The following GPC6 variants were observed in gnomAD, a reference collection of about 807,000 sequenced individuals.
The protein encoded by GPC6 is glypican-6.
A neutral mutation model predicts 55.2 loss-of-function variants in GPC6; 14 were observed. The ratio of observed to expected loss-of-function variants is 0.25; its 90% CI spans 0.17 to 0.40. The LOEUF (loss-of-function observed/expected upper bound fraction) is 0.40, where lower values mean the gene tolerates loss of function less well. GPC6 is among the 10% of genes least tolerant of loss of function. The pLI is 1.00. For missense variants in GPC6, 641 were observed against 708.5 expected (o/e 0.90, Z 1.08); for synonymous variants, 278 against 259.6 (o/e 1.07, Z -0.68).
intron 2 of GPC6, among the ~76,000 whole-genome samples, chr13:93,690,339 A>G (rs549867480): frequency 7.8e-4 from 118 of 152,144 alleles, no homozygotes; most frequent in Middle Eastern, 3.4e-3. Flanking sequence ...CAAAGGGTGG[A>G]AAAGGATCAT....
chr13:93,762,603 T>C (rs1273381010), intron 2 of GPC6, among the ~76,000 whole-genome samples: 1 of 152,222 alleles, frequency 6.6e-6, no homozygotes, highest in African/African-American at 2.4e-5. Flanking sequence ...ATTTATGGAC[T>C]GGCAGGGAAC....
chr13:93,567,561 GA>G (rs1392062785), intron 2 of GPC6, among the ~76,000 whole-genome samples: 1 of 151,846 alleles, frequency 6.6e-6, no homozygotes, highest in Non-Finnish European at 1.5e-5. Flanking sequence ...CTGACCTCAT[GA>G]TCTGCCCGCC....
intron 5 of GPC6, among the ~76,000 whole-genome samples, chr13:94,302,882 T>A (rs920591949): frequency 3.7e-4 from 56 of 152,332 alleles, no homozygotes; most frequent in Admixed American, 9.8e-4. Flanking sequence ...AAGCCGTGGG[T>A]CACGGAAGAG....
intron 5 of GPC6, among the ~76,000 whole-genome samples, chr13:94,299,900 A>G (rs1357214995): frequency 6.6e-6 from 1 of 152,174 alleles, no homozygotes; most frequent in Non-Finnish European, 1.5e-5. Flanking sequence ...GTATAAATGG[A>G]ATATATTTGA....
chr13:93,423,510 C>A (rs971416968), intron 1 of GPC6, among the ~76,000 whole-genome samples: 2 of 152,192 alleles, frequency 1.3e-5, no homozygotes, highest in South Asian at 4.2e-4. Flanking sequence ...TTTTGTTATT[C>A]CACAAAGGAT....
chr13:93,527,579 T>C (rs1418480432), intron 1 of GPC6, among the ~76,000 whole-genome samples: 1 of 152,160 alleles, frequency 6.6e-6, no homozygotes, highest in Non-Finnish European at 1.5e-5. Flanking sequence ...GAAAGGATGC[T>C]AGAATTTATT....
At chr13:93,875,988 G>T (rs571336103) in intron 3 of GPC6, among the ~76,000 whole-genome samples, 1 of 152,026 alleles carries the variant, frequency 6.6e-6, no homozygotes, top group Non-Finnish European at 1.5e-5. Flanking sequence ...CAGCATTAAG[G>T]TTCCAGAGGC....
At chr13:94,216,028 G>A (rs1269170461) in intron 4 of GPC6, among the ~76,000 whole-genome samples, 1 of 152,058 alleles carries the variant, frequency 6.6e-6, no homozygotes, top group African/African-American at 2.4e-5. Flanking sequence ...AGACAAACAT[G>A]TCAGATATGA....
At chr13:94,391,513 A>G (rs978911135) in intron 7 of GPC6, among the ~76,000 whole-genome samples, 2 of 152,188 alleles carry the variant, frequency 1.3e-5, no homozygotes, top group Admixed American at 6.5e-5. Context: ...TTACACTTAA[A>G]GCAGAAGGTC....
intron 4 of GPC6, among the ~76,000 whole-genome samples, chr13:94,268,679 A>G (rs752948480): frequency 6.6e-6 from 1 of 152,162 alleles, no homozygotes; most frequent in Non-Finnish European, 1.5e-5. Flanking sequence ...CATTTTCTCC[A>G]TCTTTTCGTC....
At chr13:94,392,369 G>T (rs1401408992) in intron 7 of GPC6, among the ~76,000 whole-genome samples, 3 of 150,248 alleles carry the variant, frequency 2.0e-5, no homozygotes, top group Non-Finnish European at 4.4e-5. Flanking sequence ...GGTACTTGGG[G>T]TGTGTATATA....
intron 5 of GPC6, among the ~76,000 whole-genome samples, chr13:94,297,497 T>G (rs1361776041): frequency 1.3e-5 from 2 of 152,306 alleles, no homozygotes; most frequent in African/African-American, 4.8e-5. Context: ...TTGTAACTCC[T>G]CCTTCCTCAC....
chr13:93,404,071 C>T (rs930233499), intron 1 of GPC6, among the ~76,000 whole-genome samples: 1 of 152,068 alleles, frequency 6.6e-6, no homozygotes, highest in Non-Finnish European at 1.5e-5. Context: ...AAAATTGTTT[C>T]CTGTTACCTC....
intron 4 of GPC6, among the ~76,000 whole-genome samples, chr13:94,221,909 A>G (rs1244520014): frequency 4.6e-5 from 7 of 152,098 alleles, no homozygotes; most frequent in Admixed American, 4.6e-4. Context: ...ATTAATTTAT[A>G]TCAGGAATTA....
chr13:93,362,175 G>T (rs1330391593), intron 1 of GPC6, among the ~76,000 whole-genome samples: 1 of 152,186 alleles, frequency 6.6e-6, no homozygotes, highest in Non-Finnish European at 1.5e-5. Flanking sequence ...CAGCTTGTGT[G>T]CTTGCTGTGC....
intron 4 of GPC6, among the ~76,000 whole-genome samples, chr13:94,241,130 G>A (rs1891042022): frequency 6.6e-6 from 1 of 152,236 alleles, no homozygotes; most frequent in East Asian, 1.9e-4. Context: ...AGAGACTAGA[G>A]TGCAATCTCT....
At chr13:93,308,128 C>CA (rs902729316) in intron 1 of GPC6, among the ~76,000 whole-genome samples, 5 of 151,694 alleles carry the variant, frequency 3.3e-5, no homozygotes, top group African/African-American at 1.2e-4. Flanking sequence ...ACTAAAAATA[C>CA]AAAAAAATTA....
At chr13:94,150,837 T>TATATATATATATATATA (rs1555301323) in intron 4 of GPC6, among the ~76,000 whole-genome samples, 22 of 144,348 alleles carry the variant, frequency 1.5e-4, no homozygotes, top group East Asian at 6.4e-4. Context: ...TATATGTTTA[T>TATATATATATATATATA]TGAATGAGTA....
At chr13:94,071,690 G>A (rs1884741261) in intron 4 of GPC6, among the ~76,000 whole-genome samples, 1 of 152,250 alleles carries the variant, frequency 6.6e-6, no homozygotes, top group South Asian at 2.1e-4. Flanking sequence ...ATTTCTGAGT[G>A]CTTCTGGTTC....
Sources: gnomAD v4.1 joint callset for allele counts (sites outside exome capture counted in the v4.1 genomes callset) on GRCh38, gnomAD v4.1.1 for gene constraint, MANE v1.5 for transcripts, NCBI Gene and HGNC (gene_info 2026-07-23, HGNC 2026-07-21) for gene names.